SCGB2B2: variants seen among roughly 807,000 people sequenced by gnomAD.
The protein encoded by SCGB2B2 is secretoglobin family 2B member 2.
Under a neutral mutation model 7.6 loss-of-function variants are expected in SCGB2B2, and 11 were observed. That is an observed-to-expected ratio of 1.45 (90% confidence interval 0.91 to 2.40). The LOEUF (loss-of-function observed/expected upper bound fraction) is 2.40, where lower values mean the gene tolerates loss of function less well. SCGB2B2 is among the 30% of genes most tolerant of loss of function. The pLI is 0.00. For synonymous variants in SCGB2B2, 50 were observed against 48.6 expected, an observed-to-expected ratio of 1.03 and a Z score of -0.12; for missense variants, 104 against 115.4, an observed-to-expected ratio of 0.90 and a Z score of 0.45.
At chr19:34,627,273 G>T (rs1167124828) in intron 1 of SCGB2B2, among the ~76,000 whole-genome samples, 1 of 152,178 alleles carries the variant, frequency 6.6e-6, no homozygotes, top group Non-Finnish European at 1.5e-5. Flanking sequence ...AACCTTAAAT[G>T]TAAATGGGCT....
At chr19:34,597,042 C>T (rs1368518294) in intron 1 of SCGB2B2, among the ~76,000 whole-genome samples, 1 of 151,182 alleles carries the variant, frequency 6.6e-6, no homozygotes, top group Non-Finnish European at 1.5e-5. Context: ...TGGAGCATGT[C>T]CCTCCCAGTG....
At chr19:34,614,517 G>T (rs912972076) in intron 1 of SCGB2B2, among the ~76,000 whole-genome samples, 10 of 152,114 alleles carry the variant, frequency 6.6e-5, no homozygotes, top group African/African-American at 2.4e-4. Flanking sequence ...AAGTTTATCT[G>T]ATTTTATTGA....
intron 1 of SCGB2B2, among the ~76,000 whole-genome samples, chr19:34,617,971 A>G (rs1234925000): frequency 6.6e-6 from 1 of 152,212 alleles, no homozygotes; most frequent in Non-Finnish European, 1.5e-5. Flanking sequence ...GAGTGAGGCA[A>G]TGCCTCGCCC....
chr19:34,599,370 C>T (rs1031797183), intron 1 of SCGB2B2, among the ~76,000 whole-genome samples: 1 of 152,230 alleles, frequency 6.6e-6, no homozygotes, highest in Non-Finnish European at 1.5e-5. Context: ...CCAATAAAGA[C>T]ATACTTGAGA....
rs1384329139 is a variant in SCGB2B2, at chr19:34,676,348, G to A, written c.-2750C>T. ...CACGCTAAGAGAAACGCTCATCAGT[G>A]CCATGGCAATTTACAAATGCCATGG... On this transcript the variant is annotated 5_prime_UTR_variant, in exon 1 of 4. Coordinates refer to ENST00000601241, the MANE Select transcript of SCGB2B2 (RefSeq NM_001025591.4). The A allele has an allele frequency of 6.6e-6, 1 of 152,162 alleles. No homozygotes were observed. Among genetic ancestry groups the A allele is most frequent in the East Asian group, 1.9e-4 (1 of 5,192 alleles). The allele number at this position is 152,162 out of a possible 1,614,324, so 9.4% of individuals were successfully genotyped here.
intron 1 of SCGB2B2, among the ~76,000 whole-genome samples, chr19:34,656,884 G>A (rs960446683): frequency 6.6e-6 from 1 of 151,112 alleles, no homozygotes; most frequent in Non-Finnish European, 1.5e-5. Flanking sequence ...TTCATCTTGA[G>A]TTCAGATACT....
At chr19:34,671,443 CT>C (rs55786074) in intron 1 of SCGB2B2, among the ~76,000 whole-genome samples, 45,111 of 149,140 alleles carry the variant, frequency 0.3, 7,461 homozygotes, top group Non-Finnish European at 0.37. Context: ...GCATCTTTTT[CT>C]TTTTTTTTTG....
intron 1 of SCGB2B2, among the ~76,000 whole-genome samples, chr19:34,604,722 C>T (rs1023738877): frequency 1.3e-5 from 2 of 151,730 alleles, no homozygotes; most frequent in African/African-American, 4.9e-5. Flanking sequence ...CTACTTTATA[C>T]TCTAATACAT....
In SCGB2B2 at chr19:34,658,274, C is replaced by CA. The variant is rs565435544; in HGVS notation, c.-2032+17355dup. Among the ~76,000 whole-genome samples the CA allele has an allele frequency of 4.6e-4, 70 of 151,790 alleles. 1 individual carries two copies. In the East Asian group the frequency reaches 9.5e-3, roughly 21 times the overall value. On this transcript the variant is annotated intron_variant, in intron 1 of 3. Transcript: ENST00000601241. ...AGCAGAACTGAAGGAGATAGAGATA[C>CA]AAAAAAACCCTTCAAAAAAAATCAA...
At chr19:34,618,106 G>T (rs538598161) in intron 1 of SCGB2B2, among the ~76,000 whole-genome samples, 1 of 152,174 alleles carries the variant, frequency 6.6e-6, no homozygotes, top group South Asian at 2.1e-4. Flanking sequence ...CATCACTCAC[G>T]CTGGGAGCTG....
chr19:34,607,353 T>C (rs2065809888), intron 1 of SCGB2B2, among the ~76,000 whole-genome samples: 1 of 152,200 alleles, frequency 6.6e-6, no homozygotes, highest in South Asian at 2.1e-4. Context: ...TCTTTATCCA[T>C]TCATCCATTG....
chr19:34,634,085 C>T (rs1243912994), intron 1 of SCGB2B2, among the ~76,000 whole-genome samples: 2 of 152,190 alleles, frequency 1.3e-5, no homozygotes, highest in African/African-American at 4.8e-5. Context: ...TTTGCTCTGC[C>T]ATTGACCTTG....
At chr19:34,590,353 TCATC>T (rs144099847), downstream of SCGB2B2, among the ~76,000 whole-genome samples, 2,858 of 150,332 alleles carry the variant, frequency 0.019, 80 homozygotes, top group African/African-American at 0.061. Flanking sequence ...CATGCACTCA[TCATC>T]CATCCATCCA....
intron 1 of SCGB2B2, among the ~76,000 whole-genome samples, chr19:34,653,030 AAAG>A (rs1241202626): frequency 4.6e-5 from 7 of 151,398 alleles, no homozygotes; most frequent in Admixed American, 3.9e-4. Flanking sequence ...TAGCTATGAA[AAAG>A]AATAAAATGC....
At chr19:34,605,982 T>C (rs982511818) in intron 1 of SCGB2B2, among the ~76,000 whole-genome samples, 1 of 152,126 alleles carries the variant, frequency 6.6e-6, no homozygotes, top group African/African-American at 2.4e-5. Flanking sequence ...TTACCCAATT[T>C]GTTTTTTTAG....
Position 34,594,722 on chromosome 19 carries a change from C to G in SCGB2B2, c.-159G>C. 1 of 697,944 alleles carries G rather than the reference C, an allele frequency of 1.4e-6. No homozygotes were observed. The highest frequency in any genetic ancestry group is 1.7e-5 in the South Asian group (1 of 58,754). 43.2% of individuals were successfully genotyped at this position (697,944 alleles called of 1,614,324 possible). ...GTGTGTGAATGTGGTCAGGGCAGGTCTGCAGAGAGACCCTCGGCCCTGGGC... is the reference window on the plus strand; with the variant it reads ...GTGTGTGAATGTGGTCAGGGCAGGTGTGCAGAGAGACCCTCGGCCCTGGGC... On this transcript the variant is annotated 5_prime_UTR_variant, in exon 2 of 4. Coordinates refer to ENST00000601241, the MANE Select transcript of SCGB2B2 (RefSeq NM_001025591.4).
At position 34,590,809 on chromosome 19, in the gene SCGB2B2, G is replaced by A. The variant is rs577285158; in HGVS notation, c.*2746C>T. Among the ~76,000 whole-genome samples, 8 of 152,282 alleles carry A rather than the reference G, an allele frequency of 5.3e-5. 1 individual carries two copies. In the South Asian group the frequency reaches 1.5e-3, roughly 28 times the overall value. On this transcript the variant is annotated 3_prime_UTR_variant, in exon 4 of 4. Coordinates refer to ENST00000601241, the MANE Select transcript of SCGB2B2 (RefSeq NM_001025591.4). The stretch of plus-strand genomic sequence containing the variant: ...AATTTCAGGACAACTGACAGATCAT[G>A]GGTAGACTCATCTTCAGTGACAATT...
intron 1 of SCGB2B2, among the ~76,000 whole-genome samples, chr19:34,652,214 G>A (rs1373093305): frequency 6.6e-6 from 1 of 151,338 alleles, no homozygotes; most frequent in East Asian, 1.9e-4. Flanking sequence ...ACTGATCTGG[G>A]CAAAGAGTGT....
At chr19:34,622,598 C>G (rs750186849) in intron 1 of SCGB2B2, among the ~76,000 whole-genome samples, 1 of 152,134 alleles carries the variant, frequency 6.6e-6, no homozygotes, top group Non-Finnish European at 1.5e-5. Context: ...AAGAGCTGAG[C>G]CTTAAATTTT....
Sources: gnomAD v4.1 joint callset for allele counts (sites outside exome capture counted in the v4.1 genomes callset) on GRCh38, gnomAD v4.1.1 for gene constraint, MANE v1.5 for transcripts, NCBI Gene and HGNC (gene_info 2026-07-23, HGNC 2026-07-21) for gene names.